The following ENAH variants were observed in gnomAD, a reference collection of about 807,000 sequenced individuals.
ENAH encodes the protein protein enabled homolog.
In ENAH, 23 loss-of-function variants were observed where a neutral mutation model predicts 78.7. The observed-to-expected ratio is 0.29, with a 90% CI of 0.21 to 0.41. The LOEUF is 0.41. Ranked by LOEUF, ENAH falls within the 10% of genes least tolerant of loss-of-function variation. ENAH has a pLI of 1.00. For missense variants in ENAH, 544 were observed against 691.0 expected (o/e 0.79, Z 2.39); for synonymous variants, 226 against 241.0 (o/e 0.94, Z 0.58).
At chr1:225,574,232 G>A (rs1214834078) in intron 1 of ENAH, among the ~76,000 whole-genome samples, 5 of 152,210 alleles carry the variant, frequency 3.3e-5, no homozygotes, top group Admixed American at 6.5e-5. Flanking sequence ...GTTTCAACTC[G>A]ATTCCACAAA....
chr1:225,519,058 G>T, intron 5 of ENAH, 140 bp downstream of exon 5: 1 of 1,264,604 alleles, frequency 7.9e-7, no homozygotes, highest in Non-Finnish European at 1.1e-6. Context: ...AGTAGTAATT[G>T]CTGCATATTT....
At chr1:225,607,335 C>T (rs1193030208) in intron 1 of ENAH, among the ~76,000 whole-genome samples, 2 of 152,146 alleles carry the variant, frequency 1.3e-5, no homozygotes, top group African/African-American at 4.8e-5. Flanking sequence ...GGCCCACAGG[C>T]CATGGGTTGG....
In ENAH at chr1:225,550,560, T is replaced by C. The variant is rs748673699; in HGVS notation, c.349+4346A>G. Among the ~76,000 whole-genome samples the C allele has an allele frequency of 5.5e-4, 84 of 152,354 alleles. 1 individual carries two copies. The highest frequency in any genetic ancestry group is 7.8e-4 in the Admixed American group (12 of 15,306). ...GAAACTACTGAGATTTTTTTAATCC[T>C]ATTAATTCCAAACATAAAGAGATTT... On this transcript the variant is annotated intron_variant, in intron 3 of 13. Transcript: ENST00000366843.
chr1:225,628,276 G>A (rs1166421130), intron 1 of ENAH, among the ~76,000 whole-genome samples: 1 of 152,156 alleles, frequency 6.6e-6, no homozygotes, highest in Non-Finnish European at 1.5e-5. Context: ...AAGCATTTTG[G>A]CAATAAGATT....
chr1:225,651,657 CA>C (rs2148529719), intron 1 of ENAH, among the ~76,000 whole-genome samples: 1 of 152,202 alleles, frequency 6.6e-6, no homozygotes, highest in East Asian at 1.9e-4. Flanking sequence ...TTGTTTAACC[CA>C]AAAGGAAGGC....
rs1003155161 is a variant in ENAH at position 225,553,229 on chromosome 1, G to A, written c.349+1677C>T. ...AGCCTGGGCAACAGAGCTAGGCTCCGTCTCAAAAAATAAATAAATAAATTT... is the reference window on the plus strand; with the variant it reads ...AGCCTGGGCAACAGAGCTAGGCTCCATCTCAAAAAATAAATAAATAAATTT... On this transcript the variant is annotated intron_variant, in intron 3 of 13. Coordinates refer to ENST00000366843, the MANE Select transcript of ENAH (RefSeq NM_018212.6). 1.3e-4 allele frequency among the ~76,000 whole-genome samples: 20 copies of A among 152,012 alleles called. No individual in the cohort carries two copies. The East Asian group carries it at 1.3e-3, about 10-fold the overall frequency.
intron 1 of ENAH, 126 bp from the exon 2 acceptor site, chr1:225,567,540 T>C: frequency 1.1e-6 from 1 of 915,608 alleles, no homozygotes; most frequent in South Asian, 2.0e-5. Flanking sequence ...GAAACAATAA[T>C]GGACAAGACA....
chr1:225,594,202 G>A (rs2096891575), intron 1 of ENAH, among the ~76,000 whole-genome samples: 1 of 152,118 alleles, frequency 6.6e-6, no homozygotes, highest in African/African-American at 2.4e-5. Context: ...AAAGTGACAG[G>A]CACATGCAAT....
At chr1:225,613,333 A>AT (rs2097002524) in intron 1 of ENAH, among the ~76,000 whole-genome samples, 1 of 152,164 alleles carries the variant, frequency 6.6e-6, no homozygotes, top group African/African-American at 2.4e-5. Flanking sequence ...TAACAGACTT[A>AT]TTGGTACATC....
chr1:225,533,523 T>A (rs2096547860), intron 3 of ENAH, among the ~76,000 whole-genome samples: 1 of 152,132 alleles, frequency 6.6e-6, no homozygotes, highest in South Asian at 2.1e-4. Flanking sequence ...GTGAACCTGC[T>A]TTGCTCTTTC....
rs546758144 is a variant in ENAH, at chr1:225,491,147, T to C, written c.*6628A>G. The C allele has an allele frequency of 6.6e-6, 1 of 152,232 alleles. No individual in the cohort carries two copies. The highest frequency in any genetic ancestry group is 2.1e-4 in the South Asian group (1 of 4,806). The allele number at this position is 152,232 out of a possible 1,614,324, so 9.4% of individuals were successfully genotyped here. A position where few individuals can be genotyped will look rare whatever the true frequency, so the allele number is the denominator to read the frequency against. On this transcript the variant is annotated 3_prime_UTR_variant, in exon 14 of 14. Coordinates refer to ENST00000366843, the MANE Select transcript of ENAH (RefSeq NM_018212.6). Reference sequence around the variant, plus strand: ...CTCACATAAAACACGTTGAAAAACATTTATTTATTTAGAGATGGAATCTCG... The same window carrying C: ...CTCACATAAAACACGTTGAAAAACACTTATTTATTTAGAGATGGAATCTCG...
At chr1:225,546,220 G>A (rs2096613264) in intron 3 of ENAH, among the ~76,000 whole-genome samples, 2 of 152,120 alleles carry the variant, frequency 1.3e-5, no homozygotes, top group African/African-American at 4.8e-5. Flanking sequence ...TGGCCCTAAT[G>A]AGAATCAGCC....
intron 7 of ENAH, among the ~76,000 whole-genome samples, chr1:225,513,773 C>T (rs1462847296): frequency 1.3e-5 from 2 of 151,974 alleles, no homozygotes; most frequent in Non-Finnish European, 1.5e-5. Context: ...GGGTGGATCA[C>T]CTGAGGTCAG....
chr1:225,600,075 A>G (rs1293879421), intron 1 of ENAH, among the ~76,000 whole-genome samples: 1 of 152,146 alleles, frequency 6.6e-6, no homozygotes, highest in East Asian at 1.9e-4. Context: ...ACAAGAAACC[A>G]ACCAGATACT....
intron 1 of ENAH, among the ~76,000 whole-genome samples, chr1:225,632,670 C>T (rs1000925020): frequency 2.0e-5 from 3 of 152,194 alleles, no homozygotes; most frequent in Admixed American, 6.5e-5. Context: ...AGAAAAGCAT[C>T]TACATATAGT....
At chr1:225,637,285 G>A (rs1325544612) in intron 1 of ENAH, among the ~76,000 whole-genome samples, 1 of 152,158 alleles carries the variant, frequency 6.6e-6, no homozygotes, top group East Asian at 1.9e-4. Context: ...TCTGCTCACT[G>A]CAACCTCTGT....
rs946445028 is a variant in ENAH, at chr1:225,652,896, A to C, written c.-206T>G. 3 of 397,132 alleles carry C rather than the reference A, an allele frequency of 7.6e-6. No individual in the cohort carries two copies. The highest frequency in any genetic ancestry group is 4.1e-5 in the African/African-American group (2 of 48,498). The allele number at this position is 397,132 out of a possible 1,614,324, so 24.6% of individuals were successfully genotyped here. ...GAGTGTGGGAGAAGAGGGCGAGAGA[A>C]AGGCTGGGGAGGGGGCGGAGAGGCC... On this transcript the variant is annotated 5_prime_UTR_variant, in exon 1 of 14. Transcript: ENST00000366843.
intron 3 of ENAH, among the ~76,000 whole-genome samples, chr1:225,539,080 T>C (rs1234567132): frequency 6.6e-6 from 1 of 152,234 alleles, no homozygotes; most frequent in Non-Finnish European, 1.5e-5. Flanking sequence ...TTAGCATCTA[T>C]CAGAGTGTTG....
chr1:225,627,123 T>C (rs575281813), intron 1 of ENAH, among the ~76,000 whole-genome samples: 2 of 152,362 alleles, frequency 1.3e-5, no homozygotes, highest in East Asian at 3.9e-4. Context: ...TTTAATACAA[T>C]GTGTCTTAAA....
Sources: gnomAD v4.1 joint callset for allele counts (sites outside exome capture counted in the v4.1 genomes callset) on GRCh38, gnomAD v4.1.1 for gene constraint, MANE v1.5 for transcripts, NCBI Gene and HGNC (gene_info 2026-07-23, HGNC 2026-07-21) for gene names.